The following INPP4A variants were observed in gnomAD, a reference collection of about 807,000 sequenced individuals.
INPP4A encodes the protein inositol polyphosphate-4-phosphatase, type I, 107kD.
In INPP4A, 33 loss-of-function variants were observed where a neutral mutation model predicts 119.8. The observed-to-expected ratio is 0.28, with a 90% confidence interval of 0.21 to 0.37. INPP4A has a LOEUF of 0.37. INPP4A is among the 10% of genes least tolerant of loss of function. The pLI, the probability that INPP4A is intolerant of heterozygous loss-of-function variation, is 1.00. For synonymous variants in INPP4A, 496 were observed against 500.7 expected (o/e 0.99, Z 0.12); for missense variants, 956 against 1,289.9 (o/e 0.74, Z 3.97).
At chr2:98,523,347 T>A (rs886821520) in intron 4 of INPP4A, among the ~76,000 whole-genome samples, 1 of 152,180 alleles carries the variant, frequency 6.6e-6, no homozygotes, top group Non-Finnish European at 1.5e-5. Flanking sequence ...TAATTTTATA[T>A]AAAGTGAATT....
At chr2:98,558,455 C>T (rs1010865078) in intron 16 of INPP4A, among the ~76,000 whole-genome samples, 4 of 152,298 alleles carry the variant, frequency 2.6e-5, no homozygotes, top group Middle Eastern at 3.4e-3. Flanking sequence ...ACGAAGAGGT[C>T]GAACTCTTGA....
rs764721786 is a variant in INPP4A at position 98,566,199 on chromosome 2, G to T, written c.2420+30G>T. 7 of 1,553,210 alleles carry T rather than the reference G, an allele frequency of 4.5e-6. No individual in the cohort carries two copies. The East Asian group carries it at 1.4e-4, about 31-fold the overall frequency. On this transcript the variant is annotated intron_variant, in intron 21 of 24. Coordinates refer to ENST00000409851, the MANE Select transcript of INPP4A (RefSeq NM_001134225.2). This position sits in a 1 kb window ranked among gnomAD's most constrained non-coding sequence, Gnocchi z 4.2. ...GTGCCGGCTCCTCGGGGCTGCGGGG[G>T]TGTGGTGGCCCTGGAGATGATGCAG...
At chr2:98,505,015 C>G (rs999049194) in intron 1 of INPP4A, among the ~76,000 whole-genome samples, 2 of 152,246 alleles carry the variant, frequency 1.3e-5, no homozygotes, top group African/African-American at 4.8e-5. Context: ...ACCAGATTCA[C>G]TCTAGGCTCT....
Position 98,555,734 on chromosome 2 carries a change from C to G in INPP4A, c.1748C>G (p.Pro583Arg), listed in dbSNP as rs1575066849. 4.4e-6 allele frequency: 7 copies of G among 1,605,184 alleles called. No homozygotes were observed. In the East Asian group the frequency reaches 1.6e-4, roughly 36 times the overall value. ...GCCTACTGGATCAGACCAGAAGACC[C>G]CTTCTGTGATGTCCCCTCCTCACCA... ...SHAYWIRPED[P>R]FCDVPSSPCP... Residue 583 changes from proline to arginine, a missense_variant, in exon 16 of 25, where the codon CCC (proline) becomes CGC (arginine). Pro to Arg is a moderately radical substitution (Grantham distance 103). Transcript: ENST00000409851.
At chr2:98,525,324 C>G (rs1687995388) in intron 4 of INPP4A, among the ~76,000 whole-genome samples, 1 of 152,164 alleles carries the variant, frequency 6.6e-6, no homozygotes, top group Non-Finnish European at 1.5e-5. Flanking sequence ...CTTTATGATT[C>G]ACCCTAAGGC....
At chr2:98,548,117 C>G (rs1692800463) in intron 13 of INPP4A, among the ~76,000 whole-genome samples, 1 of 144,326 alleles carries the variant, frequency 6.9e-6, no homozygotes, top group African/African-American at 2.5e-5. Flanking sequence ...TGATCATGGG[C>G]AAGGCTGAGC....
chr2:98,548,919 C>G (rs1457300023), intron 13 of INPP4A: 1 of 1,592,974 alleles, frequency 6.3e-7, no homozygotes, highest in African/African-American at 1.4e-5. Flanking sequence ...TGCTAACAAA[C>G]TGCTAATATT....
chr2:98,497,464 C>A (rs887876399), intron 1 of INPP4A, among the ~76,000 whole-genome samples: 2 of 152,176 alleles, frequency 1.3e-5, no homozygotes, highest in Non-Finnish European at 2.9e-5. Context: ...ACTGTACACA[C>A]CTGGAAAAGC....
At position 98,592,439 on chromosome 2, in the gene INPP4A, T is replaced by A. The variant is rs1700446012; in HGVS notation, c.*4831T>A. ...GAGGGCCTCCAGAGAGGGGCAGAGC[T>A]GGCTTATCGGGATCCATGATGGTTT... On this transcript the variant is annotated 3_prime_UTR_variant, in exon 25 of 25. Transcript: ENST00000409851. 1 of 152,226 alleles carries A rather than the reference T, an allele frequency of 6.6e-6. No individual in the cohort carries two copies. The highest frequency in any genetic ancestry group is 2.4e-5 in the African/African-American group (1 of 41,450). The allele number at this position is 152,226 out of a possible 1,614,324, so 9.4% of individuals were successfully genotyped here.
At chr2:98,572,254 T>A (rs1249926904) in intron 22 of INPP4A, among the ~76,000 whole-genome samples, 1 of 152,144 alleles carries the variant, frequency 6.6e-6, no homozygotes, top group Non-Finnish European at 1.5e-5. Context: ...GCCCAAGGGG[T>A]CCTGGAAGGG....
chr2:98,505,493 A>C (rs983256967), intron 1 of INPP4A, among the ~76,000 whole-genome samples: 1 of 152,242 alleles, frequency 6.6e-6, no homozygotes, highest in African/African-American at 2.4e-5. Context: ...GAGAGAGGAC[A>C]CATGCTTTAT....
chr2:98,575,434 A>G (rs1372984395), intron 23 of INPP4A, among the ~76,000 whole-genome samples: 1 of 152,258 alleles, frequency 6.6e-6, no homozygotes, highest in Non-Finnish European at 1.5e-5. Flanking sequence ...TTTAGTGCAC[A>G]TACCAAGTTC....
rs530441868 is a variant in INPP4A at position 98,570,159 on chromosome 2, C to A, written c.2518+1491C>A. On this transcript the variant is annotated intron_variant, in intron 22 of 24. Transcript: ENST00000409851. This position sits in a 1 kb window ranked among gnomAD's most constrained non-coding sequence, Gnocchi z 4.3. ...AGAGAGGCGCAGGGCTACAGGGGAC[C>A]GACAGCGAGTGCAGCACTGGCCCCA... Among the ~76,000 whole-genome samples, 8 of 152,218 alleles carry A rather than the reference C, an allele frequency of 5.3e-5. No individual in the cohort carries two copies. Among genetic ancestry groups the A allele is most frequent in the African/African-American group, 1.9e-4 (8 of 41,538 alleles).
chr2:98,448,046 CAAA>C (rs35998148), intron 1 of INPP4A, among the ~76,000 whole-genome samples: 5 of 64,182 alleles, frequency 7.8e-5, no homozygotes, highest in Admixed American at 3.6e-4. Context: ...GACTCTGTCT[CAAA>C]AAAAAAAAAA....
chr2:98,513,052 GCCTGC>G (rs1443863158), intron 1 of INPP4A, among the ~76,000 whole-genome samples: 1 of 152,194 alleles, frequency 6.6e-6, no homozygotes, highest in Non-Finnish European at 1.5e-5. Context: ...AAAATGGAAG[GCCTGC>G]TTGCTTCCAC....
At chr2:98,471,113 A>C (rs904504923) in intron 1 of INPP4A, among the ~76,000 whole-genome samples, 1 of 152,150 alleles carries the variant, frequency 6.6e-6, no homozygotes, top group African/African-American at 2.4e-5. Context: ...ACACTAAAAT[A>C]GTTTTAGCTG....
intron 1 of INPP4A, among the ~76,000 whole-genome samples, chr2:98,513,270 C>T (rs1213044340): frequency 6.6e-6 from 1 of 152,196 alleles, no homozygotes; most frequent in African/African-American, 2.4e-5. Context: ...CAGTTTTCTC[C>T]AGTGTTCAAC....
intron 1 of INPP4A, among the ~76,000 whole-genome samples, chr2:98,497,003 A>AAG: frequency 6.6e-6 from 1 of 151,988 alleles, no homozygotes; most frequent in Non-Finnish European, 1.5e-5. Flanking sequence ...TTTCCACCCT[A>AAG]CTCTTAGCAG....
chr2:98,567,172 G>A (rs1421479411), intron 21 of INPP4A, among the ~76,000 whole-genome samples: 1 of 152,218 alleles, frequency 6.6e-6, no homozygotes, highest in East Asian at 1.9e-4. Flanking sequence ...GGAGGAGGCT[G>A]CTGGGAGGAG....
Sources: allele counts gnomAD v4.1 joint callset (sites outside exome capture counted in the v4.1 genomes callset), GRCh38; gene constraint gnomAD v4.1.1; non-coding constraint Gnocchi (gnomAD v3.1); transcripts MANE v1.5; gene names NCBI Gene and HGNC (gene_info 2026-07-23, HGNC 2026-07-21).